FLNB: variants seen among roughly 807,000 people sequenced by gnomAD.
FLNB encodes the protein filamin B, also known as filamin-B.
Under a neutral mutation model 250.6 loss-of-function variants are expected in FLNB, and 111 were observed. The observed-to-expected ratio is 0.44, with a 90% CI of 0.38 to 0.52. The LOEUF is 0.52. Among genes scored for constraint, FLNB ranks in the 20% least tolerant of loss-of-function variants. FLNB has a pLI of 0.00. For missense variants in FLNB, 2,869 were observed against 3,447.8 expected (o/e 0.83, Z 4.20); for synonymous variants, 1,302 against 1,372.1 (o/e 0.95, Z 1.13).
intron 19 of FLNB, 144 bp from the exon 20 acceptor site, chr3:58,121,097 C>A: frequency 1.0e-6 from 1 of 998,676 alleles, no homozygotes; most frequent in Non-Finnish European, 1.6e-6. Context: ...CTCAGCTTTG[C>A]TGCTTGTCCT....
intron 32 of FLNB, among the ~76,000 whole-genome samples, chr3:58,145,111 T>G (rs1276500027): frequency 6.6e-6 from 1 of 152,256 alleles, no homozygotes; most frequent in African/African-American, 2.4e-5. Flanking sequence ...TTAAATATTC[T>G]AAAGCGGCAG....
Position 58,154,897 on chromosome 3 carries a change from G to T in FLNB, c.6741G>T (p.Ser2247=). Residue 2247 remains serine, a synonymous_variant, in exon 40 of 46, where the codon TCG becomes TCT. Transcript: ENST00000295956. ...CATTCGATGACCATAAAAATGGGTC[G>T]TGCGGTGTATCTTATATTGCCCAAG... is the stretch of plus-strand genomic sequence containing the variant. ...EITFDDHKNG[S]CGVSYIAQEP... The T allele has an allele frequency of 6.2e-7, 1 of 1,614,062 alleles. No homozygotes were observed. The highest frequency in any genetic ancestry group is 1.3e-5 in the African/African-American group (1 of 75,040).
intron 4 of FLNB, among the ~76,000 whole-genome samples, chr3:58,092,200 A>C (rs1305264744): frequency 1.3e-5 from 2 of 152,254 alleles, no homozygotes; most frequent in African/African-American, 4.8e-5. Context: ...AGTACACACT[A>C]TCAGAACGGC....
At chr3:58,104,962 G>T in intron 10 of FLNB, 118 bp from the exon 11 acceptor site, 7 of 1,339,346 alleles carry the variant, frequency 5.2e-6, no homozygotes, top group Non-Finnish European at 6.4e-6. Flanking sequence ...TGCAGTTTGG[G>T]ATGCCAGATG....
In FLNB at chr3:58,163,347, C is replaced by T. The variant is rs370187498; in HGVS notation, c.7198+17C>T. 1.2e-6 allele frequency: 2 copies of T among 1,613,232 alleles called. No homozygotes were observed. The highest frequency in any genetic ancestry group is 1.7e-6 in the Non-Finnish European group (2 of 1,179,348). ...GCACCACAGGTAACCCACTCTTCTGCTTCTTGAAGCCTTAACTGAACCAGC... is the reference window on the plus strand; with the variant it reads ...GCACCACAGGTAACCCACTCTTCTGTTTCTTGAAGCCTTAACTGAACCAGC... On this transcript the variant is annotated intron_variant, in intron 43 of 45. Transcript: ENST00000295956.
Position 58,042,345 on chromosome 3 carries a change from G to GTT in FLNB, c.292+33507_292+33508dup, listed in dbSNP as rs541022128. Among the ~76,000 whole-genome samples the GTT allele has an allele frequency of 1.5e-3, 197 of 130,502 alleles. 2 individuals are homozygous for GTT. Among genetic ancestry groups the GTT allele is most frequent in the East Asian group, 0.013 (55 of 4,374 alleles). The allele number at this position is 130,502 out of a possible 152,430, so 85.6% of individuals were successfully genotyped here. A position where few individuals can be genotyped will look rare whatever the true frequency, so the allele number is the denominator to read the frequency against. The stretch of plus-strand genomic sequence containing the variant: ...CTTTTAGGAGCTTTAGTCTCTGTAG[G>GTT]TTTTTTTTTTTTTTTTTTTAAAGTC... On this transcript the variant is annotated intron_variant, in intron 1 of 45. Coordinates refer to ENST00000295956, the MANE Select transcript of FLNB (RefSeq NM_001457.4).
At chr3:58,128,620 G>A (rs746940961) in intron 24 of FLNB, among the ~76,000 whole-genome samples, 6 of 152,112 alleles carry the variant, frequency 3.9e-5, no homozygotes, top group Non-Finnish European at 7.4e-5. Context: ...CACAGGAAAC[G>A]GGTAGAAGGC....
At chr3:58,072,331 G>A (rs1454489137) in intron 1 of FLNB, among the ~76,000 whole-genome samples, 2 of 152,106 alleles carry the variant, frequency 1.3e-5, no homozygotes, top group Non-Finnish European at 2.9e-5. Flanking sequence ...GTAGGCGTTG[G>A]TTTATTTTAT....
rs187100958 is a variant in FLNB at position 58,100,677 on chromosome 3, A to C, written c.1346-1526A>C. Among the ~76,000 whole-genome samples, 9 of 143,624 alleles carry C rather than the reference A, an allele frequency of 6.3e-5. No homozygotes were observed. In the South Asian group the frequency reaches 1.5e-3, roughly 24 times the overall value. 94.2% of individuals were successfully genotyped at this position (143,624 alleles called of 152,430 possible). A position where few individuals can be genotyped will look rare whatever the true frequency, so the allele number is the denominator to read the frequency against. ...TGGTGGTGTGATCTTGGCTCACTGC[A>C]GCTTCTGCTTCCCTGGTTCAAGTGA... is the stretch of plus-strand genomic sequence containing the variant. On this transcript the variant is annotated intron_variant, in intron 8 of 45. Transcript: ENST00000295956.
intron 1 of FLNB, among the ~76,000 whole-genome samples, chr3:58,030,746 C>T (rs1161518814): frequency 6.6e-6 from 1 of 152,024 alleles, no homozygotes; most frequent in African/African-American, 2.4e-5. Context: ...TGGTAGCAGG[C>T]GCCTGTTGTC....
intron 1 of FLNB, among the ~76,000 whole-genome samples, chr3:58,067,648 G>A (rs554546592): frequency 1.3e-5 from 2 of 148,906 alleles, no homozygotes; most frequent in South Asian, 4.2e-4. Flanking sequence ...CCAGGCTGGA[G>A]TGCAGTGGCA....
At chr3:58,126,475 G>A (rs1233926151) in intron 23 of FLNB, 127 bp from the exon 24 acceptor site, 2 of 783,374 alleles carry the variant, frequency 2.6e-6, no homozygotes, top group East Asian at 2.5e-5. Flanking sequence ...CTATGTGAGA[G>A]GTGTAGTAAT....
intron 41 of FLNB, 77 bp from the exon 42 acceptor site, chr3:58,159,477 G>C (rs2097358131): frequency 3.4e-6 from 5 of 1,462,906 alleles, no homozygotes; most frequent in Non-Finnish European, 4.8e-6. Context: ...GTCACCCACA[G>C]TTTTGGGTAG....
intron 1 of FLNB, among the ~76,000 whole-genome samples, chr3:58,075,783 G>C (rs912624465): frequency 1.3e-5 from 2 of 152,212 alleles, no homozygotes; most frequent in African/African-American, 4.8e-5. Flanking sequence ...AGTTTAAGAG[G>C]TGGAGTCCAG....
intron 1 of FLNB, among the ~76,000 whole-genome samples, chr3:58,035,170 C>T (rs899737743): frequency 6.6e-6 from 1 of 152,166 alleles, no homozygotes; most frequent in Non-Finnish European, 1.5e-5. Flanking sequence ...GGCTGTGTGA[C>T]TTAGGGTAAT....
At chr3:58,050,951 G>C (rs1169717757) in intron 1 of FLNB, among the ~76,000 whole-genome samples, 1 of 152,224 alleles carries the variant, frequency 6.6e-6, no homozygotes, top group Non-Finnish European at 1.5e-5. Flanking sequence ...CTCACTCCGT[G>C]GGTAGCTGAT....
At chr3:58,072,050 C>T (rs2097195369) in intron 1 of FLNB, among the ~76,000 whole-genome samples, 1 of 152,114 alleles carries the variant, frequency 6.6e-6, no homozygotes, top group African/African-American at 2.4e-5. Flanking sequence ...CATTCCATCC[C>T]AGAATTTGCA....
intron 21 of FLNB, 111 bp downstream of exon 21, chr3:58,123,801 T>A: frequency 1.1e-6 from 1 of 894,396 alleles, no homozygotes; most frequent in Non-Finnish European, 1.7e-6. Flanking sequence ...AGGTGACATA[T>A]AAGGCGGTGC....
chr3:58,141,781 G>A (rs566365281), intron 29 of FLNB, 77 bp from the exon 30 acceptor site: 160 of 1,320,808 alleles, frequency 1.2e-4, no homozygotes, highest in Middle Eastern at 1.8e-4. Context: ...AGTGGGGGAA[G>A]CAGCTCTGTG....
Sources: allele counts gnomAD v4.1 joint callset (sites outside exome capture counted in the v4.1 genomes callset), GRCh38; gene constraint gnomAD v4.1.1; transcripts MANE v1.5; gene names NCBI Gene and HGNC (gene_info 2026-07-23, HGNC 2026-07-21).